RNGTT: variants seen among roughly 807,000 people sequenced by gnomAD.
The protein encoded by RNGTT is mRNA-capping enzyme.
A neutral mutation model predicts 79.3 loss-of-function variants in RNGTT; 33 were observed. The observed-to-expected ratio is 0.42, with a 90% CI of 0.32 to 0.56. The LOEUF is 0.56. RNGTT is among the 20% of genes least tolerant of loss of function. The pLI, the probability that RNGTT is intolerant of heterozygous loss-of-function variation, is 0.17. For missense variants in RNGTT, 497 were observed against 739.1 expected, an observed-to-expected ratio of 0.67 and a Z score of 3.80; for synonymous variants, 222 against 235.9, an observed-to-expected ratio of 0.94 and a Z score of 0.54.
At chr6:88,708,011 G>A (rs1000121790) in intron 13 of RNGTT, among the ~76,000 whole-genome samples, 1 of 151,962 alleles carries the variant, frequency 6.6e-6, no homozygotes, top group African/African-American at 2.4e-5. Context: ...GTTTCGAGGA[G>A]TGGACCAGAG....
intron 13 of RNGTT, among the ~76,000 whole-genome samples, chr6:88,689,295 C>T (rs528506784): frequency 9.2e-4 from 140 of 151,490 alleles, no homozygotes; most frequent in African/African-American, 3.3e-3. Context: ...TAAACAAGTA[C>T]ATTTTTTAAA....
intron 8 of RNGTT, among the ~76,000 whole-genome samples, chr6:88,866,398 A>G (rs921487228): frequency 6.6e-6 from 1 of 152,150 alleles, no homozygotes; most frequent in African/African-American, 2.4e-5. Context: ...ACAAGAGCAA[A>G]AAGTATTCAT....
In RNGTT at chr6:88,685,233, A is replaced by C. The variant is rs931871280; in HGVS notation, c.1440-6814T>G. ...TGGTTGATATCATCTGTACATCATG[A>C]ATCTGTCTAAATCCATAGCACTATA... On this transcript the variant is annotated intron_variant, in intron 13 of 15. Transcript: ENST00000369485. Among the ~76,000 whole-genome samples, 9 of 152,124 alleles carry C rather than the reference A, an allele frequency of 5.9e-5. No individual in the cohort carries two copies. The South Asian group carries it at 1.9e-3, about 32-fold the overall frequency.
chr6:88,904,301 A>G (rs1169488557), intron 6 of RNGTT, among the ~76,000 whole-genome samples: 3 of 152,216 alleles, frequency 2.0e-5, no homozygotes, highest in Admixed American at 6.5e-5. Flanking sequence ...GGCCAAGCAC[A>G]GTGGCTAATG....
intron 11 of RNGTT, among the ~76,000 whole-genome samples, chr6:88,802,040 G>A (rs988841094): frequency 6.6e-6 from 1 of 152,038 alleles, no homozygotes; most frequent in Non-Finnish European, 1.5e-5. Context: ...ATAGATAAAA[G>A]GAATAAAAAA....
At chr6:88,962,822 T>G (rs1785682856) in intron 1 of RNGTT, among the ~76,000 whole-genome samples, 1 of 152,042 alleles carries the variant, frequency 6.6e-6, no homozygotes, top group South Asian at 2.1e-4. Context: ...TCCCAGCTAC[T>G]TGGGAGGCTG....
intron 2 of RNGTT, among the ~76,000 whole-genome samples, chr6:88,940,628 A>G (rs1784816679): frequency 6.6e-6 from 1 of 152,046 alleles, no homozygotes; most frequent in South Asian, 2.1e-4. Flanking sequence ...AAATGGAAAA[A>G]CTACACATTT....
At chr6:88,908,442 C>T (rs1783726704) in intron 4 of RNGTT, among the ~76,000 whole-genome samples, 1 of 152,154 alleles carries the variant, frequency 6.6e-6, no homozygotes, top group African/African-American at 2.4e-5. Context: ...CAACTTTGAA[C>T]AGATCTTTTG....
At chr6:88,867,280 T>C (rs1020590657) in intron 8 of RNGTT, among the ~76,000 whole-genome samples, 3 of 151,918 alleles carry the variant, frequency 2.0e-5, no homozygotes, top group Non-Finnish European at 4.4e-5. Context: ...GTCAGGAGTT[T>C]GAGACCAGCC....
At chr6:88,614,057 G>GT (rs1772129489) in intron 15 of RNGTT, among the ~76,000 whole-genome samples, 1 of 152,098 alleles carries the variant, frequency 6.6e-6, no homozygotes, top group Non-Finnish European at 1.5e-5. Context: ...TCTCTTTTGG[G>GT]TGCATGGGCA....
At chr6:88,940,252 T>C (rs1348172006) in intron 2 of RNGTT, among the ~76,000 whole-genome samples, 1 of 151,982 alleles carries the variant, frequency 6.6e-6, no homozygotes, top group African/African-American at 2.4e-5. Flanking sequence ...CTAATTTTTG[T>C]ATTTTTAGTA....
chr6:88,682,391 A>G (rs1388643044), intron 13 of RNGTT, among the ~76,000 whole-genome samples: 1 of 152,210 alleles, frequency 6.6e-6, no homozygotes, highest in Non-Finnish European at 1.5e-5. Flanking sequence ...ACCAGACTAC[A>G]TCCAATACAT....
intron 8 of RNGTT, among the ~76,000 whole-genome samples, chr6:88,871,029 A>G (rs1022822666): frequency 5.3e-5 from 8 of 152,192 alleles, no homozygotes; most frequent in Non-Finnish European, 1.2e-4. Flanking sequence ...TGCTGTTTGT[A>G]GTTTTTACTA....
intron 10 of RNGTT, among the ~76,000 whole-genome samples, chr6:88,846,985 T>A (rs1781504937): frequency 6.6e-6 from 1 of 152,172 alleles, no homozygotes; most frequent in Non-Finnish European, 1.5e-5. Flanking sequence ...TTCTTTACAT[T>A]TATATTTCAT....
At chr6:88,739,018 A>G (rs1205859721) in intron 13 of RNGTT, among the ~76,000 whole-genome samples, 1 of 152,104 alleles carries the variant, frequency 6.6e-6, no homozygotes, top group East Asian at 1.9e-4. Context: ...ACCAATTTAT[A>G]CTTTATGTTA....
In RNGTT at chr6:88,822,488, G is replaced by A. The variant is rs1780526154; in HGVS notation, c.1270-20856C>T. Among the ~76,000 whole-genome samples, 6 of 152,130 alleles carry A rather than the reference G, an allele frequency of 3.9e-5. No homozygotes were observed. In the South Asian group the frequency reaches 1.2e-3, roughly 31 times the overall value. On this transcript the variant is annotated intron_variant, in intron 11 of 15. Transcript: ENST00000369485. ...TAAAAATATCCTAAAAGTTATTTTA[G>A]GACTGAGTTCATTCAGGCTTTCACA... is the stretch of plus-strand genomic sequence containing the variant.
intron 8 of RNGTT, among the ~76,000 whole-genome samples, chr6:88,862,987 G>A (rs1582555891): frequency 2.0e-5 from 3 of 151,996 alleles, no homozygotes; most frequent in Admixed American, 6.6e-5. Context: ...TTTCACACTC[G>A]TACCACATCA....
intron 1 of RNGTT, among the ~76,000 whole-genome samples, 170 bp downstream of exon 1, chr6:88,963,176 C>A (rs963719724): frequency 6.8e-6 from 1 of 148,016 alleles, no homozygotes; most frequent in African/African-American, 2.7e-5. Flanking sequence ...CGCCGACCAT[C>A]CCCTCCCGTT....
chr6:88,704,275 A>ACAAAC (rs1776053609), intron 13 of RNGTT, among the ~76,000 whole-genome samples: 4 of 150,390 alleles, frequency 2.7e-5, no homozygotes, highest in African/African-American at 9.8e-5. Context: ...AAAAAAAAAA[A>ACAAAC]AAAAAAAAAA....
Sources: gnomAD v4.1 joint callset for allele counts (sites outside exome capture counted in the v4.1 genomes callset) on GRCh38, gnomAD v4.1.1 for gene constraint, MANE v1.5 for transcripts, NCBI Gene and HGNC (gene_info 2026-07-23, HGNC 2026-07-21) for gene names.